Variants in UBE2E2 observed in about 807,000 individuals in gnomAD.
UBE2E2 encodes the protein ubiquitin conjugating enzyme E2 E2, also known as ubiquitin-conjugating enzyme E2 E2.
Under a neutral mutation model 24.7 loss-of-function variants are expected in UBE2E2, and 6 were observed. The ratio of observed to expected loss-of-function variants is 0.24; its 90% confidence interval spans 0.13 to 0.48. UBE2E2 has a LOEUF of 0.48. Ranked by LOEUF, UBE2E2 falls within the 20% of genes least tolerant of loss-of-function variation. UBE2E2 has a pLI of 0.99. For synonymous variants in UBE2E2, 104 were observed against 83.6 expected (o/e 1.24, Z -1.33); for missense variants, 169 against 245.0 (o/e 0.69, Z 2.07).
At chr3:23,273,054 A>G (rs1305005370) in intron 3 of UBE2E2, among the ~76,000 whole-genome samples, 3 of 152,168 alleles carry the variant, frequency 2.0e-5, no homozygotes, top group South Asian at 4.1e-4. Context: ...ATCTCATCAA[A>G]AAACACCCTC....
At chr3:23,356,044 T>C (rs1483036491) in intron 3 of UBE2E2, among the ~76,000 whole-genome samples, 1 of 152,166 alleles carries the variant, frequency 6.6e-6, no homozygotes, top group Non-Finnish European at 1.5e-5. Flanking sequence ...TTGCAATTAA[T>C]TGTATAGAAA....
rs558181323 is a variant in UBE2E2 at position 23,427,844 on chromosome 3, A to T, written c.228-71764A>T. On this transcript the variant is annotated intron_variant, in intron 3 of 5. Coordinates refer to ENST00000396703, the MANE Select transcript of UBE2E2 (RefSeq NM_152653.4). ...GAAGAGGGGCATTACATAATGGTAA[A>T]CGGGTCAATACTTCAAGAAGACGTA... is the stretch of plus-strand genomic sequence containing the variant. Among the ~76,000 whole-genome samples, 27 of 152,346 alleles carry T rather than the reference A, an allele frequency of 1.8e-4. No individual in the cohort carries two copies. The South Asian group carries it at 3.9e-3, about 22-fold the overall frequency.
At chr3:23,330,017 T>G (rs1042143109) in intron 3 of UBE2E2, among the ~76,000 whole-genome samples, 1 of 152,334 alleles carries the variant, frequency 6.6e-6, no homozygotes, top group South Asian at 2.1e-4. Flanking sequence ...AACAGGAATC[T>G]TGTTAAAAAT....
intron 3 of UBE2E2, among the ~76,000 whole-genome samples, chr3:23,409,119 C>T (rs1343674998): frequency 6.6e-6 from 1 of 152,132 alleles, no homozygotes; most frequent in African/African-American, 2.4e-5. Context: ...TTTACTTTCT[C>T]AGGAATAATA....
chr3:23,335,820 C>T (rs534129540), intron 3 of UBE2E2, among the ~76,000 whole-genome samples: 1 of 152,174 alleles, frequency 6.6e-6, no homozygotes, highest in Non-Finnish European at 1.5e-5. Flanking sequence ...AGGTGTGAGC[C>T]ACCACGTCCA....
At chr3:23,483,247 T>C (rs1405405091) in intron 3 of UBE2E2, among the ~76,000 whole-genome samples, 1 of 152,266 alleles carries the variant, frequency 6.6e-6, no homozygotes, top group East Asian at 1.9e-4. Context: ...TGTGTAACCA[T>C]TGCCAAGCCA....
chr3:23,248,098 T>G (rs1033205379), intron 3 of UBE2E2, among the ~76,000 whole-genome samples: 6 of 152,236 alleles, frequency 3.9e-5, no homozygotes, highest in Non-Finnish European at 8.8e-5. Flanking sequence ...AAAGTGTAGA[T>G]CATGATGCCC....
At chr3:23,251,171 T>G (rs576106730) in intron 3 of UBE2E2, among the ~76,000 whole-genome samples, 1 of 152,196 alleles carries the variant, frequency 6.6e-6, no homozygotes, top group Admixed American at 6.5e-5. Flanking sequence ...TCATCGTGTG[T>G]GTATCAGCTT....
intron 3 of UBE2E2, among the ~76,000 whole-genome samples, chr3:23,313,386 CTTTTTT>C (rs34208918): frequency 8.9e-6 from 1 of 111,872 alleles, no homozygotes; most frequent in Non-Finnish European, 1.7e-5. Context: ...ATCATTGGGT[CTTTTTT>C]TTTTTTTTTT....
chr3:23,523,891 A>G (rs1235153211), intron 4 of UBE2E2, among the ~76,000 whole-genome samples: 1 of 150,058 alleles, frequency 6.7e-6, no homozygotes, highest in Non-Finnish European at 1.5e-5. Context: ...GAGCCTAATG[A>G]TGTTAACCAT....
chr3:23,207,316 A>G (rs1296356995), intron 1 of UBE2E2, among the ~76,000 whole-genome samples: 1 of 152,184 alleles, frequency 6.6e-6, no homozygotes, highest in Non-Finnish European at 1.5e-5. Context: ...ACAGCTACCT[A>G]AATATCAAGG....
At chr3:23,366,015 G>C (rs2125336029) in intron 3 of UBE2E2, among the ~76,000 whole-genome samples, 1 of 152,224 alleles carries the variant, frequency 6.6e-6, no homozygotes, top group African/African-American at 2.4e-5. Context: ...TATGGGGAAA[G>C]GACTTTCTAT....
At chr3:23,425,929 G>A (rs551685788) in intron 3 of UBE2E2, among the ~76,000 whole-genome samples, 2 of 152,206 alleles carry the variant, frequency 1.3e-5, no homozygotes, top group South Asian at 4.2e-4. Flanking sequence ...GATATGGCAG[G>A]GCTCTTGAAA....
chr3:23,488,997 AG>A (rs1699439384), intron 3 of UBE2E2, among the ~76,000 whole-genome samples: 2 of 152,200 alleles, frequency 1.3e-5, no homozygotes, highest in African/African-American at 4.8e-5. Context: ...CCTGTCAAGC[AG>A]GGTAGTTTAT....
At chr3:23,258,384 GA>G (rs1318706868) in intron 3 of UBE2E2, among the ~76,000 whole-genome samples, 2 of 152,104 alleles carry the variant, frequency 1.3e-5, no homozygotes, top group African/African-American at 4.8e-5. Context: ...GTAAAGAGAA[GA>G]AAAACAATTT....
chr3:23,258,944 GA>G (rs1697821633), intron 3 of UBE2E2, among the ~76,000 whole-genome samples: 1 of 149,480 alleles, frequency 6.7e-6, no homozygotes, highest in Non-Finnish European at 1.5e-5. Context: ...CCCAGGAAAG[GA>G]GAAGGTATTT....
At chr3:23,416,541 TTCTTGAGGAGTA>T (rs1697637903) in intron 3 of UBE2E2, among the ~76,000 whole-genome samples, 1 of 152,184 alleles carries the variant, frequency 6.6e-6, no homozygotes, top group Admixed American at 6.5e-5. Flanking sequence ...GGGGTTGCTC[TTCTTGAGGAGTA>T]TCTTTGTGGT....
chr3:23,352,402 A>G (rs1346689365), intron 3 of UBE2E2, among the ~76,000 whole-genome samples: 2 of 152,328 alleles, frequency 1.3e-5, no homozygotes, highest in Admixed American at 6.5e-5. Flanking sequence ...ACTGAAGGAA[A>G]TAGAGACACA....
In UBE2E2 at chr3:23,442,577, G is replaced by A. The variant is rs117734153; in HGVS notation, c.228-57031G>A. Among the ~76,000 whole-genome samples, 491 of 152,262 alleles carry A rather than the reference G, an allele frequency of 3.2e-3. 11 individuals are homozygous for A. The East Asian group carries it at 0.061, about 19-fold the overall frequency. ...TACTAAATTAAAATGCCTTACATAA[G>A]GCACTGAGCTTTCTGTGTTGTTTTC... On this transcript the variant is annotated intron_variant, in intron 3 of 5. Transcript: ENST00000396703.
Sources: allele counts gnomAD v4.1 joint callset (sites outside exome capture counted in the v4.1 genomes callset), GRCh38; gene constraint gnomAD v4.1.1; transcripts MANE v1.5; gene names NCBI Gene and HGNC (gene_info 2026-07-23, HGNC 2026-07-21).